The following CRADD variants were observed in gnomAD, a reference collection of about 807,000 sequenced individuals.
CRADD encodes death domain-containing protein CRADD.
CRADD carries 9 observed loss-of-function variants against 15.5 expected under a neutral mutation model. The ratio of observed to expected loss-of-function variants is 0.58; its 90% confidence interval spans 0.35 to 1.01. The LOEUF is 1.01. Ranked by LOEUF, CRADD falls within the 50% of genes least tolerant of loss-of-function variation. CRADD has a pLI of 0.02. For synonymous variants in CRADD, 118 were observed against 107.6 expected (o/e 1.10, Z -0.60); for missense variants, 227 against 250.3 (o/e 0.91, Z 0.63).
chr12:93,719,999 T>C (rs1324885033), intron 2 of CRADD, among the ~76,000 whole-genome samples: 1 of 152,114 alleles, frequency 6.6e-6, no homozygotes, highest in Non-Finnish European at 1.5e-5. Flanking sequence ...TTGCTTTTCT[T>C]TTTCTAGTTT....
intron 2 of CRADD, among the ~76,000 whole-genome samples, chr12:93,833,425 A>G (rs1957932911): frequency 6.6e-6 from 1 of 152,020 alleles, no homozygotes; most frequent in Non-Finnish European, 1.5e-5. Flanking sequence ...TGCAGCCTCC[A>G]CCTCTCAGGC....
At chr12:93,717,749 G>A (rs1455199126) in intron 2 of CRADD, among the ~76,000 whole-genome samples, 1 of 152,166 alleles carries the variant, frequency 6.6e-6, no homozygotes. Context: ...TCAAACTCCT[G>A]ACCTCAAGTG....
chr12:93,776,746 G>A (rs1455642272), intron 2 of CRADD, among the ~76,000 whole-genome samples: 1 of 152,136 alleles, frequency 6.6e-6, no homozygotes, highest in East Asian at 1.9e-4. Context: ...ACTACAGTGT[G>A]GATAACCTTT....
intron 2 of CRADD, among the ~76,000 whole-genome samples, chr12:93,746,369 C>G (rs1264824502): frequency 6.6e-6 from 1 of 152,200 alleles, no homozygotes; most frequent in Non-Finnish European, 1.5e-5. Flanking sequence ...AATATTACCT[C>G]TCTTTTCCTC....
At chr12:93,793,132 C>T (rs1461217694) in intron 2 of CRADD, among the ~76,000 whole-genome samples, 2 of 152,036 alleles carry the variant, frequency 1.3e-5, no homozygotes, top group African/African-American at 4.8e-5. Flanking sequence ...AAACCATAAG[C>T]AACTCAAGAC....
chr12:93,804,682 ATC>A (rs1451188419), intron 2 of CRADD, among the ~76,000 whole-genome samples: 2 of 152,076 alleles, frequency 1.3e-5, no homozygotes, highest in African/African-American at 4.8e-5. Flanking sequence ...TGGCTGTTTC[ATC>A]TCTCCATTAG....
intron 2 of CRADD, among the ~76,000 whole-genome samples, chr12:93,715,212 C>T (rs1193924935): frequency 6.6e-6 from 1 of 152,128 alleles, no homozygotes; most frequent in African/African-American, 2.4e-5. Flanking sequence ...TGAAATTACT[C>T]ATAGGGTAAG....
chr12:93,805,523 C>G (rs916416344), intron 2 of CRADD, among the ~76,000 whole-genome samples: 3 of 151,676 alleles, frequency 2.0e-5, no homozygotes, highest in Admixed American at 6.6e-5. Flanking sequence ...CTGCCCTTTT[C>G]TCCTACCCAG....
At chr12:93,770,155 G>A (rs1200083634) in intron 2 of CRADD, among the ~76,000 whole-genome samples, 1 of 141,354 alleles carries the variant, frequency 7.1e-6, no homozygotes, top group Non-Finnish European at 1.5e-5. Flanking sequence ...GAGTGCAGTG[G>A]CGCAATCTCG....
chr12:93,720,324 A>G (rs1196634926), intron 2 of CRADD, among the ~76,000 whole-genome samples: 1 of 152,196 alleles, frequency 6.6e-6, no homozygotes, highest in Non-Finnish European at 1.5e-5. Flanking sequence ...TAAATTTATT[A>G]GAGTGTGTTT....
intron 2 of CRADD, among the ~76,000 whole-genome samples, chr12:93,789,826 G>A (rs1050321899): frequency 6.6e-6 from 1 of 152,152 alleles, no homozygotes; most frequent in African/African-American, 2.4e-5. Flanking sequence ...TTGGAAAGGA[G>A]ATGTTTTTCT....
downstream of CRADD, among the ~76,000 whole-genome samples, chr12:93,852,062 C>T (rs796930937): frequency 5.9e-5 from 9 of 152,176 alleles, no homozygotes; most frequent in African/African-American, 2.2e-4. Context: ...GCCAATAATT[C>T]ATTATCTTAT....
At position 93,803,478 on chromosome 12, in the gene CRADD, G is replaced by A. The variant is rs1457561853; in HGVS notation, c.299-46492G>A. 2.6e-5 allele frequency among the ~76,000 whole-genome samples: 4 copies of A among 152,178 alleles called. No individual in the cohort carries two copies. The East Asian group carries it at 7.7e-4, about 29-fold the overall frequency. ...AAAAAAAATATCTACTGTAGTTGAG[G>A]CCATCTTAAATACAGTTTCTCTTTT... On this transcript the variant is annotated intron_variant, in intron 2 of 2. Coordinates refer to ENST00000332896, the MANE Select transcript of CRADD (RefSeq NM_003805.5).
chr12:93,807,222 C>T (rs138975522), intron 2 of CRADD, among the ~76,000 whole-genome samples: 1 of 152,264 alleles, frequency 6.6e-6, no homozygotes, highest in African/African-American at 2.4e-5. Context: ...TGTCCCTGCT[C>T]TAGTACCTTT....
chr12:93,756,088 T>G (rs894777424), intron 2 of CRADD, among the ~76,000 whole-genome samples: 1 of 152,196 alleles, frequency 6.6e-6, no homozygotes, highest in Non-Finnish European at 1.5e-5. Context: ...CATCCTTGAT[T>G]CCCCTTACTT....
chr12:93,807,919 C>T (rs1211965453), intron 2 of CRADD, among the ~76,000 whole-genome samples: 1 of 124,378 alleles, frequency 8.0e-6, no homozygotes, highest in Non-Finnish European at 1.6e-5. Context: ...AGGGGTCTGA[C>T]AGGCAATAAG....
chr12:93,758,015 T>TA, intron 2 of CRADD, among the ~76,000 whole-genome samples: 1 of 152,358 alleles, frequency 6.6e-6, no homozygotes, highest in Middle Eastern at 3.4e-3. Context: ...CTGTGTCAGA[T>TA]ATTTTGGTAT....
intron 2 of CRADD, among the ~76,000 whole-genome samples, chr12:93,858,355 G>T (rs936065196): frequency 2.6e-5 from 4 of 152,190 alleles, no homozygotes; most frequent in Non-Finnish European, 4.4e-5. Context: ...GAAGGACGGA[G>T]GTGGGTCTTA....
intron 2 of CRADD, among the ~76,000 whole-genome samples, chr12:93,863,260 T>C (rs1219307793): frequency 6.6e-6 from 1 of 152,156 alleles, no homozygotes; most frequent in Non-Finnish European, 1.5e-5. Context: ...TCTTGCCCTA[T>C]AACAGCAGCC....
Sources: allele counts gnomAD v4.1 joint callset (sites outside exome capture counted in the v4.1 genomes callset), GRCh38; gene constraint gnomAD v4.1.1; transcripts MANE v1.5; gene names NCBI Gene and HGNC (gene_info 2026-07-23, HGNC 2026-07-21).